Variants in KCNAB1 observed in about 807,000 individuals in gnomAD.
KCNAB1 encodes the protein voltage-gated potassium channel subunit beta-1.
In KCNAB1, 35 loss-of-function variants were observed where a neutral mutation model predicts 64.6. That is an observed-to-expected ratio of 0.54 (90% confidence interval 0.41 to 0.72). KCNAB1 has a LOEUF of 0.72. Among genes scored for constraint, KCNAB1 ranks in the 30% least tolerant of loss-of-function variants. The probability of loss-of-function intolerance (pLI) is 0.00; values close to 1 mark genes in which losing one functional copy is unlikely to be tolerated. For synonymous variants in KCNAB1, 177 were observed against 183.8 expected (o/e 0.96, Z 0.30); for missense variants, 401 against 512.9 (o/e 0.78, Z 2.11).
chr3:156,291,303 G>A (rs1464510460), intron 1 of KCNAB1: 7 of 989,494 alleles, frequency 7.1e-6, no homozygotes, highest in Non-Finnish European at 8.4e-6. Flanking sequence ...TCCTCCCGGA[G>A]CGGAGGCGGG....
rs192673136 is a variant in KCNAB1 at position 156,224,001 on chromosome 3, A to G, written c.275+103115A>G. Among the ~76,000 whole-genome samples the G allele has an allele frequency of 9.8e-4, 150 of 152,304 alleles. 4 individuals carry two copies. In the East Asian group the frequency reaches 0.025, roughly 26 times the overall value. On this transcript the variant is annotated intron_variant, in intron 1 of 13. Coordinates refer to ENST00000490337, the MANE Select transcript of KCNAB1 (RefSeq NM_172160.3). ...GGAGGCTCAGGCCGCGCAGGAGCCC[A>G]CTGCAGTTGGTTGGGGGGGATGTGA... is the stretch of plus-strand genomic sequence containing the variant.
chr3:156,244,525 C>G (rs548782848), intron 1 of KCNAB1, among the ~76,000 whole-genome samples: 3 of 152,308 alleles, frequency 2.0e-5, no homozygotes, highest in Non-Finnish European at 2.9e-5. Flanking sequence ...GTTCTGACTG[C>G]CACAGTAGGT....
chr3:156,338,303 C>CT lies in KCNAB1; in HGVS notation c.276-83286dup, dbSNP rs34671816. 6.5e-3 allele frequency among the ~76,000 whole-genome samples: 257 copies of CT among 39,490 alleles called. 44 individuals carry two copies. The highest frequency in any genetic ancestry group is 0.011 in the African/African-American group (128 of 11,394). 25.9% of individuals were successfully genotyped at this position (39,490 alleles called of 152,430 possible). On this transcript the variant is annotated intron_variant, in intron 1 of 13. Transcript: ENST00000490337. ...TCTTATACTTTCTTTGGCATTTGCA[C>CT]TTTTTTTTTTTTTTTTTTTTTTTTT...
intron 1 of KCNAB1, among the ~76,000 whole-genome samples, chr3:156,208,432 G>A (rs570443788): frequency 5.3e-5 from 8 of 152,112 alleles, no homozygotes; most frequent in African/African-American, 1.9e-4. Flanking sequence ...TAAAAATAAC[G>A]ACATCTTGTG....
Position 156,536,649 on chromosome 3 carries a change from T to G in KCNAB1, c.1171-9T>G, listed in dbSNP as rs1312259331. On this transcript the variant is annotated splice_polypyrimidine_tract_variant and intron_variant, in intron 13 of 13. Coordinates refer to ENST00000490337, the MANE Select transcript of KCNAB1 (RefSeq NM_172160.3). The stretch of plus-strand genomic sequence containing the variant: ...ACAATATCCTTTGTACTTCTCCTCC[T>G]GCTCTCAGGTTCTCCCAAAGATGAC... 1 of 1,590,594 alleles carries G rather than the reference T, an allele frequency of 6.3e-7. No homozygotes were observed. Among genetic ancestry groups the G allele is most frequent in the Non-Finnish European group, 8.6e-7 (1 of 1,158,626 alleles).
intron 1 of KCNAB1, among the ~76,000 whole-genome samples, chr3:156,306,210 G>A (rs1394977296): frequency 2.0e-5 from 3 of 151,806 alleles, no homozygotes; most frequent in Non-Finnish European, 1.5e-5. Flanking sequence ...TTGATCTGAT[G>A]TGGTGCACAG....
intron 11 of KCNAB1, among the ~76,000 whole-genome samples, chr3:156,518,113 A>G (rs987593878): frequency 5.3e-5 from 8 of 152,218 alleles, no homozygotes; most frequent in Non-Finnish European, 1.2e-4. Context: ...GGAAAAAGAA[A>G]AAAAGAAAGA....
chr3:156,230,187 C>A (rs199959635), intron 1 of KCNAB1, among the ~76,000 whole-genome samples: 1 of 152,184 alleles, frequency 6.6e-6, no homozygotes, highest in African/African-American at 2.4e-5. Flanking sequence ...TTTAACAATA[C>A]AGTCATGTAC....
chr3:156,228,080 A>G (rs1221942316), intron 1 of KCNAB1, among the ~76,000 whole-genome samples: 1 of 152,154 alleles, frequency 6.6e-6, no homozygotes, highest in Non-Finnish European at 1.5e-5. Context: ...CCACCTTAAA[A>G]TTTTGCACAA....
At chr3:156,447,231 T>C (rs1490524969) in intron 2 of KCNAB1, among the ~76,000 whole-genome samples, 1 of 152,252 alleles carries the variant, frequency 6.6e-6, no homozygotes, top group Non-Finnish European at 1.5e-5. Flanking sequence ...AAATTGATTC[T>C]CTAACATTCA....
At chr3:156,395,267 C>T (rs866716847) in intron 1 of KCNAB1, among the ~76,000 whole-genome samples, 19 of 149,958 alleles carry the variant, frequency 1.3e-4, no homozygotes, top group Middle Eastern at 3.4e-3. Context: ...TTGTTAGGGC[C>T]GGGCGCGGTG....
At chr3:156,394,436 T>C (rs554648397) in intron 1 of KCNAB1, among the ~76,000 whole-genome samples, 610 of 152,312 alleles carry the variant, frequency 4.0e-3, no homozygotes, top group Admixed American at 6.8e-3. Context: ...TGTTTCAGCC[T>C]GACAGCTATC....
At chr3:156,208,594 T>C (rs1303047502) in intron 1 of KCNAB1, among the ~76,000 whole-genome samples, 3 of 152,164 alleles carry the variant, frequency 2.0e-5, no homozygotes, top group African/African-American at 7.2e-5. Context: ...TGTTGTACTC[T>C]GAGTGTGTTA....
At chr3:156,435,761 T>C (rs4680264) in intron 2 of KCNAB1, among the ~76,000 whole-genome samples, 82,161 of 151,956 alleles carry the variant, frequency 0.54, 23,047 homozygotes, top group Admixed American at 0.68. Context: ...AGATCTTACA[T>C]ATATAGATAT....
rs1470432017 is a variant in KCNAB1 at position 156,421,482 on chromosome 3, A to G, written c.276-134A>G. ...CAAGGGAGACCTGTCTCAAGACAAT[A>G]TGCCGGCATCTGTGGTTCTGCCTCT... On this transcript the variant is annotated intron_variant, in intron 1 of 13. Coordinates refer to ENST00000490337, the MANE Select transcript of KCNAB1 (RefSeq NM_172160.3). 6.2e-6 allele frequency: 5 copies of G among 802,782 alleles called. No individual in the cohort carries two copies. The East Asian group carries it at 1.3e-4, about 20-fold the overall frequency. The allele number at this position is 802,782 out of a possible 1,614,324, so 49.7% of individuals were successfully genotyped here.
rs560238712 is a variant in KCNAB1 at position 156,449,238 on chromosome 3, T to C, written c.320-3661T>C. ...TTATTGCTATATTTTTATTTCATAA[T>C]TCATTACTGCTTTGACTTGGAATCA... is the stretch of plus-strand genomic sequence containing the variant. On this transcript the variant is annotated intron_variant, in intron 2 of 13. Coordinates refer to ENST00000490337, the MANE Select transcript of KCNAB1 (RefSeq NM_172160.3). Among the ~76,000 whole-genome samples, 4 of 152,348 alleles carry C rather than the reference T, an allele frequency of 2.6e-5. No homozygotes were observed. In the South Asian group the frequency reaches 8.3e-4, roughly 32 times the overall value.
At chr3:156,277,586 T>C (rs537155802) in intron 1 of KCNAB1, among the ~76,000 whole-genome samples, 2 of 152,158 alleles carry the variant, frequency 1.3e-5, no homozygotes, top group Admixed American at 1.3e-4. Flanking sequence ...TTCTTCTGTT[T>C]AAGGGCTAAA....
intron 1 of KCNAB1, among the ~76,000 whole-genome samples, chr3:156,301,852 CAA>C (rs932547855): frequency 4.6e-4 from 70 of 152,240 alleles, no homozygotes; most frequent in African/African-American, 1.6e-3. Context: ...TGTTTCAAAA[CAA>C]GAGGTAATTT....
intron 8 of KCNAB1, among the ~76,000 whole-genome samples, chr3:156,485,612 A>T: frequency 6.6e-6 from 1 of 151,710 alleles, no homozygotes; most frequent in Non-Finnish European, 1.5e-5. Flanking sequence ...TCTATTTTAG[A>T]TTCGGGGGTA....
Sources: allele counts gnomAD v4.1 joint callset (sites outside exome capture counted in the v4.1 genomes callset), GRCh38; gene constraint gnomAD v4.1.1; transcripts MANE v1.5; gene names NCBI Gene and HGNC (gene_info 2026-07-23, HGNC 2026-07-21).